The following ST6GALNAC6 variants were observed in gnomAD, a reference collection of about 807,000 sequenced individuals.
ST6GALNAC6 encodes alpha-N-acetylgalactosaminide alpha-2,6-sialyltransferase 6.
In ST6GALNAC6, 19 loss-of-function variants were observed where a neutral mutation model predicts 34.3. The ratio of observed to expected loss-of-function variants is 0.55; its 90% CI spans 0.39 to 0.81. The LOEUF (loss-of-function observed/expected upper bound fraction) is 0.81, where lower values mean the gene tolerates loss of function less well. Among genes scored for constraint, ST6GALNAC6 ranks in the 40% least tolerant of loss-of-function variants. The pLI, the probability that ST6GALNAC6 is intolerant of heterozygous loss-of-function variation, is 0.00. For synonymous variants in ST6GALNAC6, 185 were observed against 182.1 expected, an observed-to-expected ratio of 1.02 and a Z score of -0.13; for missense variants, 377 against 467.7, an observed-to-expected ratio of 0.81 and a Z score of 1.79.
chr9:127,904,275 C>G (rs1193883568), upstream of ST6GALNAC6: 1 of 152,106 alleles, frequency 6.6e-6, no homozygotes, highest in Non-Finnish European at 1.5e-5. Flanking sequence ...TACACGGAAG[C>G]CTTGGGTCTG....
At chr9:127,894,394 G>GA in intron 4 of ST6GALNAC6, 118 bp downstream of exon 4, 1 of 1,294,102 alleles carries the variant, frequency 7.7e-7, no homozygotes, top group Non-Finnish European at 1.1e-6. Flanking sequence ...GCAGCAAGAT[G>GA]AAATCACCGG....
rs1830579947 is a variant in ST6GALNAC6 at position 127,898,051 on chromosome 9, T to G, written c.-29-41A>C. 6 of 1,013,808 alleles carry G rather than the reference T, an allele frequency of 5.9e-6. No homozygotes were observed. In the Admixed American group the frequency reaches 9.9e-5, roughly 17 times the overall value. The allele number at this position is 1,013,808 out of a possible 1,614,324, so 62.8% of individuals were successfully genotyped here. On this transcript the variant is annotated intron_variant, in intron 1 of 6. Coordinates refer to ENST00000373146, the MANE Select transcript of ST6GALNAC6 (RefSeq NM_013443.5). ...AATAAGAGTCGGTAACTCAAGGGGT[T>G]GTTGGAAGGATTCAAGCAGATGTGG...
At chr9:127,903,985 G>A (rs1328811351), upstream of ST6GALNAC6, 2 of 152,362 alleles carry the variant, frequency 1.3e-5, no homozygotes, top group Non-Finnish European at 2.9e-5. Context: ...CTGGGCCCAG[G>A]CTCACTCCAG....
At chr9:127,897,464 G>C in intron 2 of ST6GALNAC6, 18 of 985,848 alleles carry the variant, frequency 1.8e-5, no homozygotes, top group Non-Finnish European at 2.1e-5. Context: ...TGATTGGTTA[G>C]ATCATGGCCC....
intron 2 of ST6GALNAC6, chr9:127,896,818 G>A (rs1182392610): frequency 1.0e-6 from 1 of 973,668 alleles, no homozygotes; most frequent in African/African-American, 1.8e-5. Context: ...CATGGACCAG[G>A]AACTCCCCTA....
intron 4 of ST6GALNAC6, among the ~76,000 whole-genome samples, chr9:127,892,611 A>C (rs1194854851): frequency 6.6e-6 from 1 of 152,182 alleles, no homozygotes; most frequent in Non-Finnish European, 1.5e-5. Context: ...ATAACCAGTC[A>C]TTATCTCTTA....
At chr9:127,893,742 T>A (rs1370432850) in intron 4 of ST6GALNAC6, among the ~76,000 whole-genome samples, 1 of 152,162 alleles carries the variant, frequency 6.6e-6, no homozygotes, top group Non-Finnish European at 1.5e-5. Flanking sequence ...CTCACTTAGG[T>A]GTTAACCTGT....
intron 4 of ST6GALNAC6, among the ~76,000 whole-genome samples, chr9:127,893,146 C>T (rs1830248172): frequency 6.6e-6 from 1 of 152,138 alleles, no homozygotes; most frequent in South Asian, 2.1e-4. Flanking sequence ...CCTAGGGAAA[C>T]ATATTCAAGG....
Position 127,886,669 on chromosome 9 carries a change from G to T in ST6GALNAC6, c.932C>A (p.Thr311Asn), listed in dbSNP as rs768772421. The T allele has an allele frequency of 9.9e-6, 16 of 1,614,068 alleles. 1 individual carries two copies. The highest frequency in any genetic ancestry group is 4.2e-6 in the Non-Finnish European group (5 of 1,180,044). The change falls in exon 7 of 7, where the codon ACC becomes AAC. Residue 311 changes from threonine to asparagine, a missense_variant. Thr to Asn is a moderately conservative substitution (Grantham distance 65). Coordinates refer to ENST00000373146, the MANE Select transcript of ST6GALNAC6 (RefSeq NM_013443.5). Reference sequence around the variant, plus strand: ...CCACGATGAGAAGACCCTTTTCTCGGTGATGAAGCGGTGGTGGTTGCCCTT... The same window carrying T: ...CCACGATGAGAAGACCCTTTTCTCGTTGATGAAGCGGTGGTGGTTGCCCTT... ...SRKGNHHRFITEKRVFSSWAQ... is the reference protein window; with the variant it reads ...SRKGNHHRFINEKRVFSSWAQ...
intron 4 of ST6GALNAC6, among the ~76,000 whole-genome samples, chr9:127,892,080 G>A (rs1488026789): frequency 6.6e-6 from 1 of 152,180 alleles, no homozygotes; most frequent in Non-Finnish European, 1.5e-5. Flanking sequence ...GAACCCCGGA[G>A]GCAGATGTTG....
intron 6 of ST6GALNAC6, 44 bp from the exon 7 acceptor site, chr9:127,886,832 G>A (rs4837202): frequency 1 from 1,538,987 of 1,544,372 alleles, 766,919 homozygotes; most frequent in Non-Finnish European, 1. Context: ...GGTGAGCGCT[G>A]GCAGGGTCCT....
At chr9:127,887,164 T>G (rs1389398814) in intron 6 of ST6GALNAC6, among the ~76,000 whole-genome samples, 2 of 152,238 alleles carry the variant, frequency 1.3e-5, no homozygotes, top group Non-Finnish European at 2.9e-5. Context: ...CCCGTAAGGT[T>G]GCTGTGAGGA....
upstream of ST6GALNAC6, among the ~76,000 whole-genome samples, chr9:127,899,881 T>C (rs1375719236): frequency 6.6e-6 from 1 of 152,172 alleles, no homozygotes; most frequent in Non-Finnish European, 1.5e-5. Context: ...TGACCCCGGA[T>C]GGGGAAACTG....
intron 6 of ST6GALNAC6, among the ~76,000 whole-genome samples, 168 bp downstream of exon 6, chr9:127,887,316 A>C (rs1170293224): frequency 1.3e-5 from 2 of 152,110 alleles, no homozygotes; most frequent in African/African-American, 4.8e-5. Context: ...CTTGGAGTGG[A>C]GGCCCCTGAG....
At position 127,897,877 on chromosome 9, in the gene ST6GALNAC6, C is replaced by T. The variant is rs1588657830; in HGVS notation, c.26+79G>A. On this transcript the variant is annotated intron_variant, in intron 2 of 6. Transcript: ENST00000373146. ...GGACCACCGTCCCCCTGGTCCGCCC[C>T]GTCACAATCCTGCTCTGAGAAGGCC... 6 of 1,604,418 alleles carry T rather than the reference C, an allele frequency of 3.7e-6. No individual in the cohort carries two copies. In the South Asian group the frequency reaches 6.6e-5, roughly 18 times the overall value.
intron 2 of ST6GALNAC6, chr9:127,897,731 G>T: frequency 1.8e-6 from 2 of 1,096,120 alleles, no homozygotes; most frequent in Non-Finnish European, 2.5e-6. Flanking sequence ...TGAGACCTTG[G>T]CATTCAAGGC....
rs138204383 is a variant in ST6GALNAC6, at chr9:127,890,878, C to T, written c.463G>A (p.Val155Ile). The T allele has an allele frequency of 6.7e-5, 108 of 1,614,168 alleles. No homozygotes were observed. The African/African-American group carries it at 6.9e-4, about 10-fold the overall frequency. The change falls in exon 5 of 7, where the codon GTC becomes ATC. Residue 155 changes from valine (V) to isoleucine (I), a missense_variant. Val to Ile is a conservative substitution (Grantham distance 29). Transcript: ENST00000373146. This position sits in a 1 kb window ranked among gnomAD's most constrained non-coding sequence, Gnocchi z 4.3. ...ADVGNKTTYR[V>I]VAHSSVFRVL... ...CGGAACACACTGGAATGGGCCACGA[C>T]GCGGTAGGTGGTCTTGTTGCCCACA... is the stretch of plus-strand genomic sequence containing the variant.
At chr9:127,897,890 C>A (rs1287788987) in intron 2 of ST6GALNAC6, 66 bp downstream of exon 2, 61 of 1,612,634 alleles carry the variant, frequency 3.8e-5, no homozygotes, top group Non-Finnish European at 4.8e-5. Context: ...CACAATCCTG[C>A]TCTGAGAAGG....
chr9:127,894,412 G>A, intron 4 of ST6GALNAC6, 100 bp downstream of exon 4: 2 of 1,423,500 alleles, frequency 1.4e-6, no homozygotes, highest in Non-Finnish European at 1.9e-6. Context: ...CGGAGGCAGG[G>A]CCTTGACTCT....
Sources: gnomAD v4.1 joint callset for allele counts (sites outside exome capture counted in the v4.1 genomes callset) on GRCh38, gnomAD v4.1.1 for gene constraint, Gnocchi (gnomAD v3.1) non-coding constraint, MANE v1.5 for transcripts, NCBI Gene and HGNC (gene_info 2026-07-23, HGNC 2026-07-21) for gene names.